Variants in DSE observed in about 807,000 individuals in gnomAD.
The protein encoded by DSE is dermatan sulfate epimerase, also known as dermatan-sulfate epimerase.
A neutral mutation model predicts 84.4 loss-of-function variants in DSE; 36 were observed. The ratio of observed to expected loss-of-function variants is 0.43; its 90% confidence interval spans 0.33 to 0.56. DSE has a LOEUF of 0.56. Ranked by LOEUF, DSE falls within the 20% of genes least tolerant of loss-of-function variation. The pLI, the probability that DSE is intolerant of heterozygous loss-of-function variation, is 0.06. For synonymous variants in DSE, 410 were observed against 430.1 expected (o/e 0.95, Z 0.58); for missense variants, 862 against 1,169.6 (o/e 0.74, Z 3.84).
rs755066741 is a variant in DSE, at chr6:116,436,824, A to T, written c.2356A>T (p.Thr786Ser). ...RLLRFSDKRQTEEAIDRIFAI... is the reference protein window; with the variant it reads ...RLLRFSDKRQSEEAIDRIFAI... ...GCTGAGATTTTCAGATAAGAGACAGACTGAGGAGGCCATTGACAGGATTTT... is the reference window on the plus strand; with the variant it reads ...GCTGAGATTTTCAGATAAGAGACAGTCTGAGGAGGCCATTGACAGGATTTT... Residue 786 changes from threonine to serine, a missense_variant, in exon 6 of 6, where the codon ACT (threonine) becomes TCT (serine). Physicochemically the swap from Thr to Ser is moderately conservative, Grantham distance 58. Around this residue, in one of 4 missense-constraint regions of DSE, gnomAD observed 315 missense variants for 348.1 expected, o/e 0.90. Transcript: ENST00000644252. 3.7e-6 allele frequency: 6 copies of T among 1,614,156 alleles called. No homozygotes were observed. The East Asian group carries it at 1.3e-4, about 36-fold the overall frequency.
intron 1 of DSE, among the ~76,000 whole-genome samples, chr6:116,381,823 C>A (rs756427185): frequency 3.3e-5 from 5 of 152,112 alleles, no homozygotes; most frequent in Middle Eastern, 3.2e-3. Flanking sequence ...GTACTGCAGA[C>A]AAGGTGGCTT....
At chr6:116,372,317 A>T (rs1779644399) in intron 1 of DSE, among the ~76,000 whole-genome samples, 1 of 152,024 alleles carries the variant, frequency 6.6e-6, no homozygotes, top group Non-Finnish European at 1.5e-5. Context: ...AAATACAAAA[A>T]ATTAGCCGGG....
At chr6:116,339,336 G>T in intron 2 of DSE, among the ~76,000 whole-genome samples, 1 of 150,294 alleles carries the variant, frequency 6.7e-6, no homozygotes, top group African/African-American at 2.4e-5. Flanking sequence ...TAATCTCATG[G>T]TTTATTTCAG....
At chr6:116,268,918 A>G (rs890061580) in intron 2 of DSE, among the ~76,000 whole-genome samples, 1 of 152,056 alleles carries the variant, frequency 6.6e-6, no homozygotes, top group African/African-American at 2.4e-5. Flanking sequence ...TATTATTACA[A>G]TGGAATCACA....
intron 2 of DSE, among the ~76,000 whole-genome samples, chr6:116,305,688 A>G (rs1775302342): frequency 6.6e-6 from 1 of 152,084 alleles, no homozygotes; most frequent in African/African-American, 2.4e-5. Context: ...CCCAGGCTGG[A>G]GTGCAATGGC....
chr6:116,264,296 A>G (rs1356164758), intron 2 of DSE, among the ~76,000 whole-genome samples: 3 of 151,788 alleles, frequency 2.0e-5, no homozygotes. Flanking sequence ...ATTCCTTTTC[A>G]TTCTTTTTTC....
chr6:116,364,116 A>G (rs9400909), intron 2 of DSE, among the ~76,000 whole-genome samples: 34,288 of 152,170 alleles, frequency 0.23, 5,197 homozygotes, highest in East Asian at 0.65. Context: ...GTTTCCTTAT[A>G]CTTTTCTCAC....
chr6:116,354,895 A>T (rs1327370139), intron 2 of DSE, among the ~76,000 whole-genome samples: 1 of 152,142 alleles, frequency 6.6e-6, no homozygotes, highest in African/African-American at 2.4e-5. Context: ...ATAAAAAGCC[A>T]ATCTGTAATT....
chr6:116,338,046 A>C (rs757477580), intron 2 of DSE, among the ~76,000 whole-genome samples: 11 of 152,180 alleles, frequency 7.2e-5, no homozygotes, highest in Middle Eastern at 3.4e-3. Context: ...AAAGAACAAC[A>C]ACCACAGAGA....
intron 2 of DSE, among the ~76,000 whole-genome samples, chr6:116,403,980 G>A (rs1204570229): frequency 1.3e-5 from 2 of 152,172 alleles, no homozygotes; most frequent in East Asian, 3.8e-4. Flanking sequence ...GAGGGAGTGG[G>A]GGTGGTGAAA....
intron 2 of DSE, chr6:116,278,556 A>G (rs1396551969): frequency 3.7e-6 from 6 of 1,614,058 alleles, no homozygotes; most frequent in Non-Finnish European, 5.1e-6. Flanking sequence ...GGATCTCTAC[A>G]GGCTCCCTTA....
chr6:116,417,020 T>TCCATTATAATA lies in DSE; in HGVS notation c.417-9553_417-9543dup. Among the ~76,000 whole-genome samples the TCCATTATAATA allele has an allele frequency of 2.6e-5, 4 of 152,338 alleles. 1 individual carries two copies. Among genetic ancestry groups the TCCATTATAATA allele is most frequent in the Admixed American group, 2.6e-4 (4 of 15,306 alleles). On this transcript the variant is annotated intron_variant, in intron 2 of 5. Coordinates refer to ENST00000644252, the MANE Select transcript of DSE (RefSeq NM_013352.4). Reference sequence around the variant, plus strand: ...TTGCCTTTCCAGGTTTTAAAATTTCTCCATTATAATAGATTCTTTAAGAAT... The same window carrying TCCATTATAATA: ...TTGCCTTTCCAGGTTTTAAAATTTCTCCATTATAATACCATTATAATAGATTCTTTAAGAAT...
intron 2 of DSE, among the ~76,000 whole-genome samples, chr6:116,347,060 C>A (rs1409854556): frequency 6.6e-6 from 1 of 152,126 alleles, no homozygotes; most frequent in Admixed American, 6.5e-5. Context: ...ATCCAACTTA[C>A]AAGGGATGTG....
chr6:116,319,903 T>G (rs1427856444), intron 2 of DSE, among the ~76,000 whole-genome samples: 1 of 152,218 alleles, frequency 6.6e-6, no homozygotes, highest in African/African-American at 2.4e-5. Context: ...ATAAGCTGAA[T>G]CCTACCCCCA....
intron 2 of DSE, among the ~76,000 whole-genome samples, chr6:116,336,755 C>CA (rs55859612): frequency 0.041 from 5,295 of 130,040 alleles, 138 homozygotes; most frequent in Non-Finnish European, 0.063. Flanking sequence ...AACTCCATCT[C>CA]AAAAAAAAAA....
chr6:116,349,645 C>T (rs1011406240), intron 2 of DSE, among the ~76,000 whole-genome samples: 2 of 152,194 alleles, frequency 1.3e-5, no homozygotes. Context: ...TTTCTCATCA[C>T]TCCAGATTGA....
chr6:116,425,873 C>T (rs1173223354), intron 2 of DSE, among the ~76,000 whole-genome samples: 1 of 152,104 alleles, frequency 6.6e-6, no homozygotes, highest in Non-Finnish European at 1.5e-5. Context: ...CCGCCCGTCT[C>T]GGCCTCCCAA....
chr6:116,408,252 C>G (rs1782066200), intron 2 of DSE, among the ~76,000 whole-genome samples: 1 of 152,194 alleles, frequency 6.6e-6, no homozygotes, highest in Non-Finnish European at 1.5e-5. Flanking sequence ...TATACCCACC[C>G]TCCAGTGTGA....
chr6:116,327,764 A>G (rs1178445069), intron 2 of DSE, among the ~76,000 whole-genome samples: 1 of 152,178 alleles, frequency 6.6e-6, no homozygotes, highest in African/African-American at 2.4e-5. Flanking sequence ...GTTCTATGAT[A>G]TATTTTACCT....
Sources: allele counts gnomAD v4.1 joint callset (sites outside exome capture counted in the v4.1 genomes callset), GRCh38; gene constraint gnomAD v4.1.1; regional missense constraint gnomAD v4.1.1; transcripts MANE v1.5; gene names NCBI Gene and HGNC (gene_info 2026-07-23, HGNC 2026-07-21).